The following SPAG17 variants were observed in gnomAD, a reference collection of about 807,000 sequenced individuals.
SPAG17 encodes the protein sperm-associated antigen 17.
A neutral mutation model predicts 273.6 loss-of-function variants in SPAG17; 169 were observed. The ratio of observed to expected loss-of-function variants is 0.62; its 90% CI spans 0.55 to 0.70. SPAG17 has a LOEUF of 0.70. SPAG17 is among the 30% of genes least tolerant of loss of function. SPAG17 has a pLI of 0.00. For synonymous variants in SPAG17, 825 were observed against 873.2 expected, an observed-to-expected ratio of 0.94 and a Z score of 0.97; for missense variants, 2,557 against 2,627.8, an observed-to-expected ratio of 0.97 and a Z score of 0.59.
chr1:118,014,869 T>C (rs1659812837), intron 29 of SPAG17, among the ~76,000 whole-genome samples: 1 of 152,214 alleles, frequency 6.6e-6, no homozygotes, highest in Non-Finnish European at 1.5e-5. Context: ...TTCAGCACTT[T>C]CTGAACATGT....
intron 1 of SPAG17, among the ~76,000 whole-genome samples, chr1:118,161,869 C>T (rs1659942268): frequency 6.6e-6 from 1 of 152,134 alleles, no homozygotes; most frequent in Admixed American, 6.5e-5. Context: ...ACAAGAAGGA[C>T]AGGTGAAAGA....
intron 13 of SPAG17, among the ~76,000 whole-genome samples, chr1:118,085,689 G>A (rs898875745): frequency 2.6e-5 from 4 of 151,958 alleles, no homozygotes; most frequent in Admixed American, 1.3e-4. Flanking sequence ...AAAACACAAC[G>A]GGAAAAAAAC....
rs1655019931 is a variant in SPAG17, at chr1:118,086,676, G to T, written c.1606C>A (p.Leu536Ile). 2 of 1,613,746 alleles carry T rather than the reference G, an allele frequency of 1.2e-6. No individual in the cohort carries two copies. The highest frequency in any genetic ancestry group is 1.7e-6 in the Non-Finnish European group (2 of 1,179,786). The part of the protein sequence containing the change: ...HDAHAHKKYA[L>I]QDQKNFDPVQ... ...GCTAACCTGATTATTATTACCTGTAGTGCGTACTTCTTGTGGGCGTGTGCA... is the reference window on the plus strand; with the variant it reads ...GCTAACCTGATTATTATTACCTGTATTGCGTACTTCTTGTGGGCGTGTGCA... Residue 536 changes from leucine to isoleucine, a missense_variant, in exon 12 of 49, where the codon CTA (leucine) becomes ATA (isoleucine). Leu to Ile is a conservative substitution (Grantham distance 5). Coordinates refer to ENST00000336338, the MANE Select transcript of SPAG17 (RefSeq NM_206996.4).
At chr1:118,094,725 T>C (rs990418306) in intron 7 of SPAG17, among the ~76,000 whole-genome samples, 4 of 152,208 alleles carry the variant, frequency 2.6e-5, no homozygotes, top group African/African-American at 9.7e-5. Flanking sequence ...TGGCCTTTTC[T>C]TCTAGAATCC....
At chr1:118,044,130 T>G (rs2101942821) in intron 20 of SPAG17, among the ~76,000 whole-genome samples, 1 of 152,310 alleles carries the variant, frequency 6.6e-6, no homozygotes, top group South Asian at 2.1e-4. Context: ...CATTTATAAC[T>G]TATGTACATA....
intron 3 of SPAG17, among the ~76,000 whole-genome samples, chr1:118,119,869 T>A (rs949145711): frequency 6.6e-6 from 1 of 152,246 alleles, no homozygotes; most frequent in African/African-American, 2.4e-5. Flanking sequence ...TATTAAGTGC[T>A]TTGTGGTTTG....
In SPAG17 at chr1:118,084,520, C is replaced by T. The variant is rs543720820; in HGVS notation, c.1762+1402G>A. On this transcript the variant is annotated intron_variant, in intron 13 of 48. Coordinates refer to ENST00000336338, the MANE Select transcript of SPAG17 (RefSeq NM_206996.4). ...CTATATCACAAAATCCCAGTGAACTCAGATGAGACGTGATTCTAGATATTG... is the reference window on the plus strand; with the variant it reads ...CTATATCACAAAATCCCAGTGAACTTAGATGAGACGTGATTCTAGATATTG... Among the ~76,000 whole-genome samples the T allele has an allele frequency of 1.0e-3, 159 of 152,310 alleles. 2 individuals carry two copies. Among genetic ancestry groups the T allele is most frequent in the African/African-American group, 3.6e-3 (151 of 41,560 alleles).
Position 118,097,804 on chromosome 1 carries a change from T to C in SPAG17, c.877A>G (p.Lys293Glu), listed in dbSNP as rs753767710. ...LKKENAIKEL[K>E]TFWKYLEPVL... Reference sequence around the variant, plus strand: ...GGTTCCAAGTACTTCCAGAAAGTTTTAAGCTCTTTTATGGCATTTTCTTTC... The same window carrying C: ...GGTTCCAAGTACTTCCAGAAAGTTTCAAGCTCTTTTATGGCATTTTCTTTC... Residue 293 changes from lysine (K) to glutamate (E), a missense_variant, in exon 7 of 49, where the codon AAA becomes GAA. Transcript: ENST00000336338. 12 of 1,604,586 alleles carry C rather than the reference T, an allele frequency of 7.5e-6. No individual in the cohort carries two copies. In the East Asian group the frequency reaches 2.0e-4, roughly 27 times the overall value.
intron 43 of SPAG17, among the ~76,000 whole-genome samples, chr1:117,975,360 T>C (rs1655022352): frequency 6.6e-6 from 1 of 152,202 alleles, no homozygotes; most frequent in Non-Finnish European, 1.5e-5. Flanking sequence ...TAAATTTCCT[T>C]TTTTGTTGTT....
At chr1:118,019,529 G>C (rs1013533055) in intron 28 of SPAG17, among the ~76,000 whole-genome samples, 1 of 151,782 alleles carries the variant, frequency 6.6e-6, no homozygotes, top group African/African-American at 2.4e-5. Flanking sequence ...CAGAAGCAGA[G>C]AAGAAAAAAG....
At chr1:118,119,965 C>G (rs1657324705) in intron 3 of SPAG17, among the ~76,000 whole-genome samples, 1 of 152,098 alleles carries the variant, frequency 6.6e-6, no homozygotes, top group Non-Finnish European at 1.5e-5. Context: ...ATAGCATAGT[C>G]TTCTATTGTG....
rs1208343664 is a variant in SPAG17, at chr1:118,031,860, C to T, written c.3441G>A (p.Lys1147=). Residue 1147 remains lysine (K), a synonymous_variant, in exon 25 of 49, where the codon AAG becomes AAA. Coordinates refer to ENST00000336338, the MANE Select transcript of SPAG17 (RefSeq NM_206996.4). Reference sequence around the variant, plus strand: ...TCAATATTGTTTCTAAATCAGGATCCTTATCTTCTATAAGCAGAAAAAGTA... The same window carrying T: ...TCAATATTGTTTCTAAATCAGGATCTTTATCTTCTATAAGCAGAAAAAGTA... ...YGSNGMAPED[K]DPDLETILNI... is the part of the protein sequence containing the mutation. The T allele has an allele frequency of 6.3e-7, 1 of 1,592,548 alleles. No homozygotes were observed. Among genetic ancestry groups the T allele is most frequent in the Non-Finnish European group, 8.5e-7 (1 of 1,169,604 alleles).
intron 3 of SPAG17, among the ~76,000 whole-genome samples, chr1:118,116,610 G>A (rs776911683): frequency 3.3e-5 from 5 of 152,120 alleles, no homozygotes; most frequent in Non-Finnish European, 5.9e-5. Context: ...GGAAATAGCC[G>A]GAAGAAAGGG....
At chr1:118,020,274 C>T (rs1660373830) in intron 28 of SPAG17, among the ~76,000 whole-genome samples, 1 of 151,634 alleles carries the variant, frequency 6.6e-6, no homozygotes, top group Non-Finnish European at 1.5e-5. Flanking sequence ...CAAAACACAA[C>T]AAAACAAAAA....
At chr1:118,010,072 C>A (rs1387551329) in intron 30 of SPAG17, among the ~76,000 whole-genome samples, 2 of 151,966 alleles carry the variant, frequency 1.3e-5, no homozygotes, top group East Asian at 3.9e-4. Flanking sequence ...ATGGTAGTTA[C>A]CAGCCATTGG....
Position 118,116,039 on chromosome 1 carries a change from T to G in SPAG17, c.316-598A>C, listed in dbSNP as rs1245287562. Among the ~76,000 whole-genome samples the G allele has an allele frequency of 2.0e-5, 3 of 152,128 alleles. No homozygotes were observed. In the East Asian group the frequency reaches 5.8e-4, roughly 29 times the overall value. On this transcript the variant is annotated intron_variant, in intron 3 of 48. Transcript: ENST00000336338. ...TTGGGGTGAAATAAGGTTATTGAGT[T>G]TTCTTTGGGTGACGACAGCCACTAG...
At position 117,990,919 on chromosome 1, in the gene SPAG17, T is replaced by C. The variant is rs1410893943; in HGVS notation, c.5476-13A>G. The C allele has an allele frequency of 4.7e-6, 7 of 1,487,810 alleles. No homozygotes were observed. The highest frequency in any genetic ancestry group is 6.5e-6 in the Non-Finnish European group (7 of 1,082,506). 92.2% of individuals were successfully genotyped at this position (1,487,810 alleles called of 1,614,324 possible). On this transcript the variant is annotated splice_polypyrimidine_tract_variant and intron_variant, in intron 37 of 48. Transcript: ENST00000336338. ...TTTTAGGGAAAGACTGAAATGAAGA[T>C]AGAATTACTTATGATGATTATATTA...
intron 20 of SPAG17, among the ~76,000 whole-genome samples, chr1:118,042,494 A>G (rs539151052): frequency 6.6e-6 from 1 of 152,328 alleles, no homozygotes; most frequent in East Asian, 1.9e-4. Flanking sequence ...TAACATAGGT[A>G]AAATGATGGA....
At chr1:118,043,562 T>G (rs1650014296) in intron 20 of SPAG17, among the ~76,000 whole-genome samples, 1 of 152,232 alleles carries the variant, frequency 6.6e-6, no homozygotes, top group East Asian at 1.9e-4. Context: ...AATGGTATCG[T>G]GACAACATTA....
Sources: allele counts gnomAD v4.1 joint callset (sites outside exome capture counted in the v4.1 genomes callset), GRCh38; gene constraint gnomAD v4.1.1; transcripts MANE v1.5; gene names NCBI Gene and HGNC (gene_info 2026-07-23, HGNC 2026-07-21).